Variants in AXDND1 observed in about 807,000 individuals in gnomAD.
The protein encoded by AXDND1 is axonemal dynein light chain domain-containing protein 1.
In AXDND1, 110 loss-of-function variants were observed where a neutral mutation model predicts 137.5. The ratio of observed to expected loss-of-function variants is 0.80; its 90% CI spans 0.69 to 0.94. The LOEUF (loss-of-function observed/expected upper bound fraction) is 0.94. AXDND1 is among the 40% of genes least tolerant of loss of function. AXDND1 has a pLI of 0.00. For synonymous variants in AXDND1, 414 were observed against 399.7 expected, an observed-to-expected ratio of 1.04 and a Z score of -0.43; for missense variants, 1,191 against 1,169.8, an observed-to-expected ratio of 1.02 and a Z score of -0.26.
At chr1:179,456,970 T>C in intron 16 of AXDND1, 1 of 1,553,534 alleles carries the variant, frequency 6.4e-7, no homozygotes, top group Non-Finnish European at 8.8e-7. Context: ...CAAAATAATC[T>C]CTTAGGTGAT....
At chr1:179,429,711 T>A (rs915767546) in intron 13 of AXDND1, 92 bp downstream of exon 13, 7 of 654,868 alleles carry the variant, frequency 1.1e-5, no homozygotes, top group Non-Finnish European at 1.4e-5. Flanking sequence ...TTATCGATTT[T>A]AAAAATATCA....
At chr1:179,426,712 G>T (rs2125295145) in intron 12 of AXDND1, among the ~76,000 whole-genome samples, 1 of 152,276 alleles carries the variant, frequency 6.6e-6, no homozygotes, top group Non-Finnish European at 1.5e-5. Flanking sequence ...GGAAATTATA[G>T]TTATTCAAAC....
intron 21 of AXDND1, among the ~76,000 whole-genome samples, chr1:179,513,820 A>G (rs570066034): frequency 6.6e-6 from 1 of 152,008 alleles, no homozygotes; most frequent in South Asian, 2.1e-4. Flanking sequence ...GAATTTATCC[A>G]TCTCTTCTAG....
intron 16 of AXDND1, among the ~76,000 whole-genome samples, chr1:179,457,946 T>C (rs72719280): frequency 0.063 from 9,537 of 152,142 alleles, 363 homozygotes; most frequent in African/African-American, 0.07. Context: ...TGAGGAAATA[T>C]CATGGGCTGA....
intron 20 of AXDND1, among the ~76,000 whole-genome samples, chr1:179,505,893 C>G (rs1668495644): frequency 6.6e-6 from 1 of 152,170 alleles, no homozygotes; most frequent in Non-Finnish European, 1.5e-5. Flanking sequence ...TGACCTCATA[C>G]AGCGGGAGGC....
chr1:179,553,804 T>C (rs1673660721), intron 25 of AXDND1, among the ~76,000 whole-genome samples: 1 of 152,138 alleles, frequency 6.6e-6, no homozygotes, highest in East Asian at 1.9e-4. Context: ...TGGAGTGCAA[T>C]GCACAATCTC....
intron 18 of AXDND1, among the ~76,000 whole-genome samples, chr1:179,488,572 A>G (rs969570349): frequency 2.1e-5 from 3 of 142,464 alleles, no homozygotes; most frequent in East Asian, 2.0e-4. Context: ...GGCCTGATCT[A>G]TCTTTCTTTC....
intron 17 of AXDND1, among the ~76,000 whole-genome samples, chr1:179,475,693 G>C (rs1664527323): frequency 6.6e-6 from 1 of 152,144 alleles, no homozygotes; most frequent in Admixed American, 6.5e-5. Flanking sequence ...GTTGCACTGT[G>C]GACTTTTGAA....
chr1:179,427,273 A>T (rs1385499234), intron 12 of AXDND1, among the ~76,000 whole-genome samples: 1 of 152,154 alleles, frequency 6.6e-6, no homozygotes, highest in Non-Finnish European at 1.5e-5. Flanking sequence ...ATAAGACATT[A>T]CCTTTGGTTA....
chr1:179,489,712 G>T (rs901692639), intron 18 of AXDND1, among the ~76,000 whole-genome samples: 1 of 150,484 alleles, frequency 6.6e-6, no homozygotes, highest in Admixed American at 6.6e-5. Flanking sequence ...CAGGAAGTTT[G>T]GGTTTTTATT....
At chr1:179,536,835 T>G (rs1286459876) in intron 25 of AXDND1, among the ~76,000 whole-genome samples, 1 of 152,252 alleles carries the variant, frequency 6.6e-6, no homozygotes, top group African/African-American at 2.4e-5. Context: ...TGATTCTTCC[T>G]ATCCATGAGC....
At chr1:179,497,502 T>C (rs928035042) in intron 20 of AXDND1, among the ~76,000 whole-genome samples, 1 of 152,138 alleles carries the variant, frequency 6.6e-6, no homozygotes, top group African/African-American at 2.4e-5. Flanking sequence ...TGAAGGAATA[T>C]ACCTCAAAAT....
Position 179,395,202 on chromosome 1 carries a change from A to G in AXDND1, c.1109A>G (p.Lys370Arg), listed in dbSNP as rs756485506. Residue 370 changes from lysine to arginine, a missense_variant and splice_region_variant, in exon 11 of 26, where the codon AAA (lysine) becomes AGA (arginine). By Grantham distance (26) the Lys-to-Arg change is conservative. Coordinates refer to ENST00000367618, the MANE Select transcript of AXDND1 (RefSeq NM_144696.6). The stretch of plus-strand genomic sequence containing the variant: ...CTTTTAAATGCGGAAAAGAATGCCA[A>G]GTGAGTTGCTTAAAGTTTGTTTAGC... Reference protein sequence around the residue: ...QALLNAEKNAKIVEEYHDLYT... With the variant: ...QALLNAEKNARIVEEYHDLYT... The G allele has an allele frequency of 3.1e-6, 5 of 1,610,922 alleles. No homozygotes were observed. The highest frequency in any genetic ancestry group is 2.2e-5 in the East Asian group (1 of 44,788).
intron 16 of AXDND1, among the ~76,000 whole-genome samples, chr1:179,461,666 AT>A (rs1175314859): frequency 6.6e-6 from 1 of 152,134 alleles, no homozygotes; most frequent in African/African-American, 2.4e-5. Flanking sequence ...CACGATATTG[AT>A]TCTTCCTATC....
chr1:179,445,302 C>A, intron 16 of AXDND1, 98 bp downstream of exon 16: 1 of 945,332 alleles, frequency 1.1e-6, no homozygotes, highest in Non-Finnish European at 1.5e-6. Flanking sequence ...AGTAATAAAT[C>A]CATATAGTTT....
chr1:179,373,301 A>T (rs754375628), intron 4 of AXDND1, among the ~76,000 whole-genome samples: 17 of 152,322 alleles, frequency 1.1e-4, no homozygotes, highest in Non-Finnish European at 2.4e-4. Flanking sequence ...GGAGAACTAC[A>T]AACCACTGCT....
rs1489749824 is a variant in AXDND1 at position 179,488,722 on chromosome 1, TTCTTTCTCTCTCTC to T, written c.2092-2808_2092-2795del. On this transcript the variant is annotated intron_variant, in intron 18 of 25. Transcript: ENST00000367618. The stretch of plus-strand genomic sequence containing the variant: ...TTCCTCTCTCTGTCTCTCTCTCTCT[TTCTTTCTCTCTCTC>T]TCTTTCTTTTTTTTTTGAAATGGAG... Among the ~76,000 whole-genome samples the T allele has an allele frequency of 5.7e-5, 5 of 88,080 alleles. 1 individual carries two copies. The highest frequency in any genetic ancestry group is 2.1e-4 in the African/African-American group (5 of 23,984). The allele number at this position is 88,080 out of a possible 152,430, so 57.8% of individuals were successfully genotyped here.
intron 21 of AXDND1, among the ~76,000 whole-genome samples, chr1:179,512,629 A>G (rs1197808180): frequency 6.6e-6 from 1 of 152,102 alleles, no homozygotes; most frequent in Non-Finnish European, 1.5e-5. Flanking sequence ...TGGGGATTGC[A>G]TTGAATTTGT....
At chr1:179,400,059 A>G (rs543555843) in intron 11 of AXDND1, among the ~76,000 whole-genome samples, 80 of 152,188 alleles carry the variant, frequency 5.3e-4, no homozygotes, top group Non-Finnish European at 1.0e-3. Context: ...TGATCCAGCA[A>G]TCTCACTACT....
Sources: allele counts gnomAD v4.1 joint callset (sites outside exome capture counted in the v4.1 genomes callset), GRCh38; gene constraint gnomAD v4.1.1; transcripts MANE v1.5; gene names NCBI Gene and HGNC (gene_info 2026-07-23, HGNC 2026-07-21).